The following DNM3 variants were observed in gnomAD, a reference collection of about 807,000 sequenced individuals.
The protein encoded by DNM3 is dynamin 3, also known as dynamin-3.
A neutral mutation model predicts 101.6 loss-of-function variants in DNM3; 47 were observed. The ratio of observed to expected loss-of-function variants is 0.46; its 90% CI spans 0.37 to 0.59. DNM3 has a LOEUF of 0.59. Among genes scored for constraint, DNM3 ranks in the 20% least tolerant of loss-of-function variants. DNM3 has a pLI of 0.00. For synonymous variants in DNM3, 385 were observed against 387.9 expected, an observed-to-expected ratio of 0.99 and a Z score of 0.09; for missense variants, 849 against 1,085.7, an observed-to-expected ratio of 0.78 and a Z score of 3.06.
chr1:172,155,542 T>C (rs953653082), intron 14 of DNM3, among the ~76,000 whole-genome samples: 39 of 152,106 alleles, frequency 2.6e-4, no homozygotes, highest in African/African-American at 9.2e-4. Context: ...CACTTAATAA[T>C]TAATACATAA....
intron 16 of DNM3, among the ~76,000 whole-genome samples, chr1:172,315,408 GAGA>G (rs1342012848): frequency 6.6e-6 from 1 of 152,222 alleles, no homozygotes; most frequent in Non-Finnish European, 1.5e-5. Flanking sequence ...GACGAGTTGA[GAGA>G]AGAAGGCTGC....
intron 14 of DNM3, among the ~76,000 whole-genome samples, chr1:172,237,184 C>T (rs2061575658): frequency 6.6e-6 from 1 of 152,154 alleles, no homozygotes; most frequent in Admixed American, 6.5e-5. Context: ...TAAAATAGTA[C>T]TTCTTCCCCC....
intron 1 of DNM3, 87 bp from the exon 2 acceptor site, chr1:171,921,661 A>C: frequency 1.9e-6 from 2 of 1,028,156 alleles, no homozygotes; most frequent in South Asian, 1.4e-5. Flanking sequence ...GTTGGGAATT[A>C]GGAGAATTGC....
intron 20 of DNM3, chr1:172,399,728 G>A (rs745922789): frequency 1.3e-5 from 2 of 151,986 alleles, no homozygotes; most frequent in Non-Finnish European, 2.9e-5. Flanking sequence ...TAACTGGGAC[G>A]ATTAATAAAT....
intron 1 of DNM3, among the ~76,000 whole-genome samples, chr1:171,875,851 G>A (rs1479647148): frequency 4.3e-5 from 5 of 117,604 alleles, no homozygotes; most frequent in African/African-American, 1.1e-4. Flanking sequence ...TCGTTCTGTC[G>A]CCAGGCTGGA....
chr1:172,045,821 C>G (rs2049749097), intron 9 of DNM3, among the ~76,000 whole-genome samples: 1 of 152,168 alleles, frequency 6.6e-6, no homozygotes, highest in Admixed American at 6.5e-5. Flanking sequence ...GCCAAAGGGC[C>G]AAGTTGAGAC....
chr1:172,374,316 T>C (rs74914371), intron 17 of DNM3, among the ~76,000 whole-genome samples: 2,790 of 152,230 alleles, frequency 0.018, 40 homozygotes, highest in Non-Finnish European at 0.025. Context: ...TGTGTAGGAA[T>C]AGTTGAAAAA....
intron 9 of DNM3, 90 bp from the exon 10 acceptor site, chr1:172,048,522 A>C: frequency 7.1e-7 from 1 of 1,412,490 alleles, no homozygotes; most frequent in Non-Finnish European, 9.4e-7. Flanking sequence ...CTTAATTTAA[A>C]TGGAATGTTA....
intron 1 of DNM3, among the ~76,000 whole-genome samples, chr1:171,889,607 G>C (rs1383776857): frequency 6.6e-6 from 1 of 152,146 alleles, no homozygotes; most frequent in Non-Finnish European, 1.5e-5. Context: ...GAAGGTTTAG[G>C]TATGATAGCG....
At chr1:172,139,261 A>C (rs2057433713) in intron 14 of DNM3, 1 of 202,410 alleles carries the variant, frequency 4.9e-6, no homozygotes. Context: ...TCCTCTTTGC[A>C]AAAAACTGCA....
At chr1:171,966,255 C>T (rs1177635636) in intron 2 of DNM3, among the ~76,000 whole-genome samples, 4 of 152,234 alleles carry the variant, frequency 2.6e-5, no homozygotes, top group African/African-American at 9.6e-5. Context: ...TCTACTCCCA[C>T]AGGCTTGAGC....
At chr1:171,888,916 G>T (rs902866908) in intron 1 of DNM3, among the ~76,000 whole-genome samples, 3 of 152,270 alleles carry the variant, frequency 2.0e-5, no homozygotes, top group East Asian at 3.9e-4. Flanking sequence ...AGAAGGGATT[G>T]TGACTCATGA....
intron 4 of DNM3, among the ~76,000 whole-genome samples, chr1:171,999,624 C>G (rs114645165): frequency 0.011 from 1,720 of 152,190 alleles, 46 homozygotes; most frequent in African/African-American, 0.039. Flanking sequence ...TAAAGCCCAA[C>G]AGTCTACTCT....
intron 1 of DNM3, among the ~76,000 whole-genome samples, chr1:171,869,253 C>T (rs954701731): frequency 6.6e-6 from 1 of 152,104 alleles, no homozygotes; most frequent in Non-Finnish European, 1.5e-5. Flanking sequence ...TGTGAAAACA[C>T]CTGGCACAGA....
intron 5 of DNM3, 21 bp from the exon 6 acceptor site, chr1:172,033,084 T>C: frequency 1.9e-6 from 3 of 1,607,896 alleles, no homozygotes; most frequent in Non-Finnish European, 2.5e-6. Flanking sequence ...CCCAACTCCA[T>C]AGATTTGTGT....
chr1:172,105,902 A>G (rs985885323), intron 13 of DNM3, among the ~76,000 whole-genome samples: 31 of 152,160 alleles, frequency 2.0e-4, no homozygotes, highest in Admixed American at 2.0e-4. Flanking sequence ...TTGATTTTTA[A>G]GCATTTATTT....
intron 9 of DNM3, among the ~76,000 whole-genome samples, chr1:172,046,379 G>A (rs1476458380): frequency 1.3e-5 from 2 of 152,060 alleles, no homozygotes; most frequent in African/African-American, 2.4e-5. Flanking sequence ...CACAGGAAGG[G>A]GAACATCACA....
chr1:172,316,098 A>C (rs1053669485), intron 16 of DNM3, among the ~76,000 whole-genome samples: 1 of 152,174 alleles, frequency 6.6e-6, no homozygotes, highest in Admixed American at 6.5e-5. Context: ...ATTCTTAAAG[A>C]AAAGAATTTT....
At position 172,241,221 on chromosome 1, in the gene DNM3, A is replaced by G. The variant is rs151247297; in HGVS notation, c.1660-12352A>G. Among the ~76,000 whole-genome samples, 807 of 137,386 alleles carry G rather than the reference A, an allele frequency of 5.9e-3. 3 individuals are homozygous for G. The highest frequency in any genetic ancestry group is 0.018 in the African/African-American group (638 of 35,270). The allele number at this position is 137,386 out of a possible 152,430, so 90.1% of individuals were successfully genotyped here. On this transcript the variant is annotated intron_variant, in intron 14 of 20. Transcript: ENST00000627582. Reference sequence around the variant, plus strand: ...TTTTCATGCATGGTATTTATCATATATATGTATATATACATAGATGTGTGT... The same window carrying G: ...TTTTCATGCATGGTATTTATCATATGTATGTATATATACATAGATGTGTGT...
Sources: allele counts gnomAD v4.1 joint callset (sites outside exome capture counted in the v4.1 genomes callset), GRCh38; gene constraint gnomAD v4.1.1; transcripts MANE v1.5; gene names NCBI Gene and HGNC (gene_info 2026-07-23, HGNC 2026-07-21).